C6orf132: variants seen among roughly 807,000 people sequenced by gnomAD.
C6orf132 encodes chromosome 6 open reading frame 132.
A neutral mutation model predicts 65.3 loss-of-function variants in C6orf132; 43 were observed. That is an observed-to-expected ratio of 0.66 (90% confidence interval 0.52 to 0.85). The LOEUF is 0.85. Ranked by LOEUF, C6orf132 falls within the 40% of genes least tolerant of loss-of-function variation. C6orf132 has a pLI of 0.00. For missense variants in C6orf132, 1,488 were observed against 1,548.8 expected (o/e 0.96, Z 0.66); for synonymous variants, 631 against 654.1 (o/e 0.96, Z 0.54).
rs981817342 is a variant in C6orf132, at chr6:42,128,692, G to T, written c.232C>A (p.Leu78Met). The stretch of plus-strand genomic sequence containing the variant: ...CTCACCAGCGGAAGGAAGGTCAGCA[G>T]GGGCCGGACTCTTGGCCGAGCTTTC... ...TLKARPRVRP[L>M]LTFLPLNAQE... The change falls in exon 2 of 5, where the codon CTG becomes ATG. Residue 78 changes from leucine to methionine, a missense_variant. Transcript: ENST00000341865. The T allele has an allele frequency of 1.3e-6, 2 of 1,551,292 alleles. No individual in the cohort carries two copies. The highest frequency in any genetic ancestry group is 1.7e-6 in the Non-Finnish European group (2 of 1,146,942).
rs1486551736 is a variant in C6orf132, at chr6:42,124,727, C to T, written c.252+3945G>A. 2.0e-5 allele frequency among the ~76,000 whole-genome samples: 3 copies of T among 152,218 alleles called. No individual in the cohort carries two copies. Among genetic ancestry groups the T allele is most frequent in the Non-Finnish European group, 4.4e-5 (3 of 68,040 alleles). Reference sequence around the variant, plus strand: ...CCCACACCCACACAGAGCTTGTCCTCCCTCTTCTCCCCATCCTTCTGGCCT... The same window carrying T: ...CCCACACCCACACAGAGCTTGTCCTTCCTCTTCTCCCCATCCTTCTGGCCT... On this transcript the variant is annotated intron_variant, in intron 2 of 4. Coordinates refer to ENST00000341865, the MANE Select transcript of C6orf132 (RefSeq NM_001164446.3). The surrounding 1 kb of genome is among the most constrained non-coding windows in gnomAD (Gnocchi z 4.0).
At chr6:42,119,566 C>T (rs568569796) in intron 2 of C6orf132, among the ~76,000 whole-genome samples, 43 of 151,190 alleles carry the variant, frequency 2.8e-4, no homozygotes, top group Admixed American at 6.6e-4. Flanking sequence ...AGGCTGCTCT[C>T]GAACTCCTGG....
chr6:42,103,656 C>G lies in C6orf132; in HGVS notation c.*105G>C. The G allele has an allele frequency of 1.7e-6, 1 of 600,570 alleles. No individual in the cohort carries two copies. The highest frequency in any genetic ancestry group is 2.5e-6 in the Non-Finnish European group (1 of 397,828). The allele number at this position is 600,570 out of a possible 1,614,324, so 37.2% of individuals were successfully genotyped here. On this transcript the variant is annotated 3_prime_UTR_variant, in exon 5 of 5. Coordinates refer to ENST00000341865, the MANE Select transcript of C6orf132 (RefSeq NM_001164446.3). ...ATCAAAGACTCCTCTGTGTCTGAGT[C>G]AGGTCGCCCAACACCTGCTGTGTAC...
Position 42,138,317 on chromosome 6 carries a change from G to A in C6orf132, c.145+3983C>T, listed in dbSNP as rs1037487011. ...GTTTTTGTTTTTTGTTTTGAAACAG[G>A]GTCTCGCTCTGCCACCAAGGCTGGA... is the stretch of plus-strand genomic sequence containing the variant. On this transcript the variant is annotated intron_variant, in intron 1 of 4. Coordinates refer to ENST00000341865, the MANE Select transcript of C6orf132 (RefSeq NM_001164446.3). Among the ~76,000 whole-genome samples, 4 of 152,048 alleles carry A rather than the reference G, an allele frequency of 2.6e-5. No individual in the cohort carries two copies. In the East Asian group the frequency reaches 7.7e-4, roughly 29 times the overall value.
In C6orf132 at chr6:42,104,426, C is replaced by G. The variant is rs1766350413; in HGVS notation, c.3449+37G>C. On this transcript the variant is annotated intron_variant, in intron 4 of 4. Transcript: ENST00000341865. This position sits in a 1 kb window ranked among gnomAD's most constrained non-coding sequence, Gnocchi z 4.1. ...TTGGCCCTCGCCTGGCTTTCCACCC[C>G]TCCTGGCTTCCCGCACCAGCCGGGC... The G allele has an allele frequency of 7.3e-6, 9 of 1,229,606 alleles. No homozygotes were observed. In the South Asian group the frequency reaches 2.9e-4, roughly 40 times the overall value. 76.2% of individuals were successfully genotyped at this position (1,229,606 alleles called of 1,614,324 possible).
At chr6:42,129,958 C>T (rs1766826176) in intron 1 of C6orf132, among the ~76,000 whole-genome samples, 1 of 152,178 alleles carries the variant, frequency 6.6e-6, no homozygotes. Flanking sequence ...CTGGGCTTGT[C>T]AGGAAGATCC....
chr6:42,115,824 TC>T (rs1766558212), intron 2 of C6orf132, among the ~76,000 whole-genome samples: 6 of 151,538 alleles, frequency 4.0e-5, no homozygotes, highest in Admixed American at 6.6e-5. Flanking sequence ...TCCCCTAAAC[TC>T]CCAATCTTAA....
chr6:42,130,435 T>C (rs1266770181), intron 1 of C6orf132, among the ~76,000 whole-genome samples: 1 of 152,044 alleles, frequency 6.6e-6, no homozygotes, highest in Non-Finnish European at 1.5e-5. Context: ...GACACTAGGA[T>C]CTCCTGGGGC....
Position 42,104,608 on chromosome 6 carries a change from G to C in C6orf132, c.3304C>G (p.Arg1102Gly). The stretch of plus-strand genomic sequence containing the variant: ...GCGCGACCCGCCGAGTTCACGCGCC[G>C]CATCTCGGGGCCTCCGGGCTGCGGC... The part of the protein sequence containing the change: ...FGPQPGGPEM[R>G]RVNSAGRAPP... The change falls in exon 4 of 5, where the codon CGG becomes GGG. Residue 1102 changes from arginine (R) to glycine (G), a missense_variant. Arg to Gly is a moderately radical substitution (Grantham distance 125). Transcript: ENST00000341865. The surrounding 1 kb of genome is among the most constrained non-coding windows in gnomAD (Gnocchi z 4.1). 2 of 1,347,720 alleles carry C rather than the reference G, an allele frequency of 1.5e-6. No homozygotes were observed. Among genetic ancestry groups the C allele is most frequent in the Non-Finnish European group, 1.9e-6 (2 of 1,055,174 alleles). 83.5% of individuals were successfully genotyped at this position (1,347,720 alleles called of 1,614,324 possible).
Position 42,106,317 on chromosome 6 carries a change from A to C in C6orf132, c.1595T>G (p.Leu532Arg). The change falls in exon 4 of 5, where the codon CTT becomes CGT. Residue 532 changes from leucine (L) to arginine (R), a missense_variant. Coordinates refer to ENST00000341865, the MANE Select transcript of C6orf132 (RefSeq NM_001164446.3). ...TGTCTCTGTCAGGCTGCTGCCGCCAAGACTCTTTTCAGGAACACCTGGGGG... is the reference window on the plus strand; with the variant it reads ...TGTCTCTGTCAGGCTGCTGCCGCCACGACTCTTTTCAGGAACACCTGGGGG... ...DTPPGVPEKS[L>R]GGSSLTETEA... 2 of 1,536,672 alleles carry C rather than the reference A, an allele frequency of 1.3e-6. No individual in the cohort carries two copies. The highest frequency in any genetic ancestry group is 1.7e-6 in the Non-Finnish European group (2 of 1,146,858).
At position 42,104,736 on chromosome 6, in the gene C6orf132, C is replaced by T. The variant is rs1766359718; in HGVS notation, c.3176G>A (p.Arg1059His). The T allele has an allele frequency of 9.2e-6, 14 of 1,525,610 alleles. No individual in the cohort carries two copies. The highest frequency in any genetic ancestry group is 1.2e-5 in the Non-Finnish European group (14 of 1,142,632). 94.5% of individuals were successfully genotyped at this position (1,525,610 alleles called of 1,614,324 possible). A position where few individuals can be genotyped will look rare whatever the true frequency, so the allele number is the denominator to read the frequency against. Residue 1059 changes from arginine (R) to histidine (H), a missense_variant, in exon 4 of 5, where the codon CGC (arginine) becomes CAC (histidine). Arg to His is a conservative substitution (Grantham distance 29). Coordinates refer to ENST00000341865, the MANE Select transcript of C6orf132 (RefSeq NM_001164446.3). This position sits in a 1 kb window ranked among gnomAD's most constrained non-coding sequence, Gnocchi z 4.1. ...GGLERFSGGGRSLIKKRLYVG... is the reference protein window; with the variant it reads ...GGLERFSGGGHSLIKKRLYVG... ...GTACAGGCGCTTCTTTATGAGCGAGCGGCCCCCTCCCGAGAAGCGCTCCAG... is the reference window on the plus strand; with the variant it reads ...GTACAGGCGCTTCTTTATGAGCGAGTGGCCCCCTCCCGAGAAGCGCTCCAG...
chr6:42,132,957 G>T (rs956081995), intron 1 of C6orf132, among the ~76,000 whole-genome samples: 6 of 152,164 alleles, frequency 3.9e-5, no homozygotes, highest in African/African-American at 1.2e-4. Context: ...CTCCTGCTGG[G>T]TGGAGGCACA....
intron 1 of C6orf132, among the ~76,000 whole-genome samples, chr6:42,137,710 C>A (rs899179376): frequency 1.3e-5 from 2 of 151,972 alleles, no homozygotes; most frequent in African/African-American, 2.4e-5. Context: ...CATATCTTCC[C>A]GCACAAAACA....
At chr6:42,123,855 G>C (rs941018944) in intron 2 of C6orf132, among the ~76,000 whole-genome samples, 1 of 152,162 alleles carries the variant, frequency 6.6e-6, no homozygotes, top group Admixed American at 6.5e-5. Context: ...TCTGAAGTTT[G>C]GTGGCTCAAA....
chr6:42,106,709 G>A lies in C6orf132; in HGVS notation c.1203C>T (p.Pro401=), dbSNP rs1766415022. Residue 401 remains proline (P), a synonymous_variant, in exon 4 of 5, where the codon CCC becomes CCT. Coordinates refer to ENST00000341865, the MANE Select transcript of C6orf132 (RefSeq NM_001164446.3). ...GTGGGGGTGCTGGGGGAGGGAGGGG[G>A]GGTGCAGGAGGGGGCAGGGGAGGGG... ...PPAPPLPPPA[P]PLPPPAPPLP... 1 of 724,650 alleles carries A rather than the reference G, an allele frequency of 1.4e-6. No individual in the cohort carries two copies. The allele number at this position is 724,650 out of a possible 1,614,324, so 44.9% of individuals were successfully genotyped here. A position where few individuals can be genotyped will look rare whatever the true frequency, so the allele number is the denominator to read the frequency against.
rs1231374703 is a variant in C6orf132 at position 42,104,230 on chromosome 6, GAGA to G, written c.3449+230_3449+232del. Among the ~76,000 whole-genome samples, 14 of 152,156 alleles carry G rather than the reference GAGA, an allele frequency of 9.2e-5. No individual in the cohort carries two copies. The highest frequency in any genetic ancestry group is 3.4e-4 in the African/African-American group (14 of 41,378). On this transcript the variant is annotated intron_variant, in intron 4 of 4. Coordinates refer to ENST00000341865, the MANE Select transcript of C6orf132 (RefSeq NM_001164446.3). The surrounding 1 kb of genome is among the most constrained non-coding windows in gnomAD (Gnocchi z 4.1). Reference sequence around the variant, plus strand: ...CTGACCTCTGGGATCTAGCGGGCAGGAGAGAGACAGACGAGAGGAGCTGGTGGG... The same window carrying G: ...CTGACCTCTGGGATCTAGCGGGCAGGGAGACAGACGAGAGGAGCTGGTGGG...
At position 42,104,852 on chromosome 6, in the gene C6orf132, C is replaced by T; in HGVS notation, c.3060G>A (p.Leu1020=). ...SSPPRNNYSD[L]RQLPNAGPGA... is the part of the protein sequence containing the mutation. ...CGGGGCCAGCGTTCGGGAGCTGCCT[C>T]AAGTCTGAGTAGTTGTTCCGGGGAG... Residue 1020 remains leucine, a synonymous_variant, in exon 4 of 5, where the codon TTG becomes TTA. Transcript: ENST00000341865. The surrounding 1 kb of genome is among the most constrained non-coding windows in gnomAD (Gnocchi z 4.1). The T allele has an allele frequency of 2.1e-6, 3 of 1,456,086 alleles. No individual in the cohort carries two copies. Among genetic ancestry groups the T allele is most frequent in the South Asian group, 1.4e-5 (1 of 71,622 alleles). 90.2% of individuals were successfully genotyped at this position (1,456,086 alleles called of 1,614,324 possible). A position where few individuals can be genotyped will look rare whatever the true frequency, so the allele number is the denominator to read the frequency against.
At position 42,105,428 on chromosome 6, in the gene C6orf132, C is replaced by T. The variant is rs2127473076; in HGVS notation, c.2484G>A (p.Val828=). ...QPTDELLRHP[V]TGEVVERGSP... ...AGCCCCGCTCCACCACCTCCCCAGTCACCGGGTGCCTGAGGAGTTCATCAG... is the reference window on the plus strand; with the variant it reads ...AGCCCCGCTCCACCACCTCCCCAGTTACCGGGTGCCTGAGGAGTTCATCAG... Residue 828 remains valine, a synonymous_variant, in exon 4 of 5, where the codon GTG becomes GTA. Coordinates refer to ENST00000341865, the MANE Select transcript of C6orf132 (RefSeq NM_001164446.3). 3.3e-6 allele frequency: 5 copies of T among 1,535,536 alleles called. No homozygotes were observed. In the South Asian group the frequency reaches 4.8e-5, roughly 15 times the overall value.
At chr6:42,137,823 G>A (rs1582287242) in intron 1 of C6orf132, among the ~76,000 whole-genome samples, 1 of 82,030 alleles carries the variant, frequency 1.2e-5, no homozygotes, top group East Asian at 2.2e-4. Flanking sequence ...GGGCGGGGGC[G>A]GGGCGGGGCG....
Sources: gnomAD v4.1 joint callset for allele counts (sites outside exome capture counted in the v4.1 genomes callset) on GRCh38, gnomAD v4.1.1 for gene constraint, Gnocchi (gnomAD v3.1) non-coding constraint, MANE v1.5 for transcripts, NCBI Gene and HGNC (gene_info 2026-07-23, HGNC 2026-07-21) for gene names.